GOLM2: variants seen among roughly 807,000 people sequenced by gnomAD.
GOLM2 encodes the protein protein GOLM2.
Under a neutral mutation model 55.9 loss-of-function variants are expected in GOLM2, and 26 were observed. That is an observed-to-expected ratio of 0.47 (90% confidence interval 0.34 to 0.65). The LOEUF is 0.65. GOLM2 is among the 30% of genes least tolerant of loss of function. The probability of loss-of-function intolerance (pLI) is 0.01; values close to 1 mark genes in which losing one functional copy is unlikely to be tolerated. For missense variants in GOLM2, 486 were observed against 531.8 expected, an observed-to-expected ratio of 0.91 and a Z score of 0.85; for synonymous variants, 165 against 194.6, an observed-to-expected ratio of 0.85 and a Z score of 1.27.
At chr15:44,298,413 A>G (rs772962105) in intron 1 of GOLM2, among the ~76,000 whole-genome samples, 37 of 146,454 alleles carry the variant, frequency 2.5e-4, no homozygotes, top group Non-Finnish European at 4.8e-4. Flanking sequence ...ATAGGCACCC[A>G]CCACCATGGC....
intron 1 of GOLM2, among the ~76,000 whole-genome samples, chr15:44,306,803 C>CT (rs2078840505): frequency 6.6e-6 from 1 of 152,122 alleles, no homozygotes; most frequent in Non-Finnish European, 1.5e-5. Flanking sequence ...CATGGTAACT[C>CT]CCGTTATCGT....
intron 1 of GOLM2, chr15:44,307,210 T>C (rs1461368393): frequency 6.5e-6 from 1 of 153,342 alleles, no homozygotes; most frequent in African/African-American, 2.4e-5. Flanking sequence ...ATGATACTAA[T>C]TCTTTTTTTT....
intron 6 of GOLM2, among the ~76,000 whole-genome samples, chr15:44,373,285 GTC>G (rs900987536): frequency 6.6e-6 from 1 of 151,750 alleles, no homozygotes; most frequent in Admixed American, 6.6e-5. Flanking sequence ...GTGAAACCCC[GTC>G]TCTACTAAAA....
At chr15:44,364,359 ACC>A (rs2079267600) in intron 6 of GOLM2, among the ~76,000 whole-genome samples, 2 of 144,840 alleles carry the variant, frequency 1.4e-5, no homozygotes, top group Non-Finnish European at 3.0e-5. Flanking sequence ...CCCCATCTCT[ACC>A]CAAAATACAA....
chr15:44,379,897 T>A (rs2079390957), intron 7 of GOLM2, 109 bp downstream of exon 7: 5 of 553,256 alleles, frequency 9.0e-6, no homozygotes, highest in Non-Finnish European at 1.6e-5. Flanking sequence ...TAGCATTTAT[T>A]CTTTGAGGTA....
At chr15:44,351,576 C>CAAA (rs1175016633) in intron 6 of GOLM2, among the ~76,000 whole-genome samples, 96 of 45,448 alleles carry the variant, frequency 2.1e-3, no homozygotes, top group African/African-American at 4.0e-3. Flanking sequence ...GACTCTGTCT[C>CAAA]AAAAAAAAAA....
intron 8 of GOLM2, among the ~76,000 whole-genome samples, chr15:44,393,494 G>T (rs1950974080): frequency 6.6e-6 from 1 of 152,118 alleles, no homozygotes; most frequent in South Asian, 2.1e-4. Flanking sequence ...AATCTGATAA[G>T]CTGACTCTAA....
At chr15:44,378,141 C>A (rs898974750) in intron 6 of GOLM2, among the ~76,000 whole-genome samples, 1 of 151,282 alleles carries the variant, frequency 6.6e-6, no homozygotes, top group Non-Finnish European at 1.5e-5. Context: ...CTCTGCGTCC[C>A]GGGTTCACGC....
At chr15:44,298,035 A>G (rs2097203572) in intron 1 of GOLM2, among the ~76,000 whole-genome samples, 2 of 144,628 alleles carry the variant, frequency 1.4e-5, no homozygotes, top group South Asian at 2.2e-4. Context: ...GCCTGGCTAA[A>G]TTTTTTTGTA....
chr15:44,368,985 A>G (rs1259540627), intron 6 of GOLM2, among the ~76,000 whole-genome samples: 1 of 143,372 alleles, frequency 7.0e-6, no homozygotes, highest in Non-Finnish European at 1.5e-5. Context: ...TTGTTCTGGC[A>G]GACAAATTAC....
intron 8 of GOLM2, chr15:44,390,082 A>T (rs1323348537): frequency 1.3e-5 from 2 of 152,190 alleles, no homozygotes; most frequent in South Asian, 4.1e-4. Flanking sequence ...ATATTTTTGT[A>T]AATTTAATTT....
chr15:44,321,728 C>T (rs2078951280), intron 1 of GOLM2, among the ~76,000 whole-genome samples: 1 of 151,962 alleles, frequency 6.6e-6, no homozygotes, highest in Non-Finnish European at 1.5e-5. Context: ...GCTATCTTTG[C>T]AATTTCCTGT....
Position 44,380,789 on chromosome 15 carries a change from A to ATGC in GOLM2, c.902-15_902-14insCTG. On this transcript the variant is annotated splice_polypyrimidine_tract_variant and intron_variant, in intron 7 of 9. Coordinates refer to ENST00000299957, the MANE Select transcript of GOLM2 (RefSeq NM_138423.4). ...AATTAAATTATATTCTTTTAATTTG[A>ATGC]TGTTTTTATGCCACAGATTCACACA... 1 of 1,431,886 alleles carries ATGC rather than the reference A, an allele frequency of 7.0e-7. No individual in the cohort carries two copies. Among genetic ancestry groups the ATGC allele is most frequent in the Non-Finnish European group, 9.2e-7 (1 of 1,085,152 alleles). The allele number at this position is 1,431,886 out of a possible 1,614,324, so 88.7% of individuals were successfully genotyped here.
At chr15:44,362,833 A>G (rs1014350203) in intron 6 of GOLM2, among the ~76,000 whole-genome samples, 2 of 152,244 alleles carry the variant, frequency 1.3e-5, no homozygotes, top group African/African-American at 2.4e-5. Flanking sequence ...TGGTACTGAT[A>G]CCAAAACAGA....
At chr15:44,338,102 T>G in intron 5 of GOLM2, 135 bp from the exon 6 acceptor site, 2 of 972,786 alleles carry the variant, frequency 2.1e-6, no homozygotes, top group Non-Finnish European at 3.1e-6. Context: ...GTTACAGCTA[T>G]GTCCAAAGCA....
chr15:44,328,204 G>C (rs2078997687), intron 2 of GOLM2, among the ~76,000 whole-genome samples: 1 of 152,226 alleles, frequency 6.6e-6, no homozygotes, highest in Non-Finnish European at 1.5e-5. Flanking sequence ...TGCCGGTCAG[G>C]CATGGTGGCT....
chr15:44,289,173 G>A lies in GOLM2; in HGVS notation c.144G>A (p.Glu48=), dbSNP rs2078702317. The stretch of plus-strand genomic sequence containing the variant: ...TCCTGCTTCAGGAGGAGGTGGCCGA[G>A]CTGCAGGGCCAGGTCCAGCGCACCG... ...RHVLLQEEVA[E]LQGQVQRTEV... Residue 48 remains glutamate, a synonymous_variant, in exon 1 of 10, where the codon GAG becomes GAA. Transcript: ENST00000299957. The surrounding 1 kb of genome is among the most constrained non-coding windows in gnomAD (Gnocchi z 4.8). 2 of 1,614,108 alleles carry A rather than the reference G, an allele frequency of 1.2e-6. No individual in the cohort carries two copies. The highest frequency in any genetic ancestry group is 1.7e-5 in the Admixed American group (1 of 60,016).
At chr15:44,361,789 A>T (rs2079242002) in intron 6 of GOLM2, among the ~76,000 whole-genome samples, 1 of 152,200 alleles carries the variant, frequency 6.6e-6, no homozygotes, top group African/African-American at 2.4e-5. Context: ...TCGATGCAAA[A>T]ATCCTCAAAA....
rs1595674112 is a variant in GOLM2 at position 44,414,974 on chromosome 15, T to C, written c.*1568T>C. On this transcript the variant is annotated 3_prime_UTR_variant, in exon 10 of 10. Coordinates refer to ENST00000299957, the MANE Select transcript of GOLM2 (RefSeq NM_138423.4). ...TTTGATCACAAGGGGAAATTTAAGA[T>C]TGTTAACCCTGTTTTTCAGAAGGGC... The C allele has an allele frequency of 6.5e-6, 1 of 152,766 alleles. No homozygotes were observed. The highest frequency in any genetic ancestry group is 1.9e-4 in the East Asian group (1 of 5,190). The allele number at this position is 152,766 out of a possible 1,614,324, so 9.5% of individuals were successfully genotyped here.
Sources: gnomAD v4.1 joint callset for allele counts (sites outside exome capture counted in the v4.1 genomes callset) on GRCh38, gnomAD v4.1.1 for gene constraint, Gnocchi (gnomAD v3.1) non-coding constraint, MANE v1.5 for transcripts, NCBI Gene and HGNC (gene_info 2026-07-23, HGNC 2026-07-21) for gene names.